Variants in SCLT1 observed in about 807,000 individuals in gnomAD.
SCLT1 encodes the protein sodium channel-associated protein 1.
In SCLT1, 78 loss-of-function variants were observed where a neutral mutation model predicts 112.8. The ratio of observed to expected loss-of-function variants is 0.69; its 90% confidence interval spans 0.58 to 0.83. The LOEUF is 0.83. Among genes scored for constraint, SCLT1 ranks in the 40% least tolerant of loss-of-function variants. The pLI is 0.00. For missense variants in SCLT1, 747 were observed against 770.4 expected, an observed-to-expected ratio of 0.97 and a Z score of 0.36; for synonymous variants, 257 against 254.7, an observed-to-expected ratio of 1.01 and a Z score of -0.09.
intron 5 of SCLT1, among the ~76,000 whole-genome samples, chr4:129,021,999 C>A (rs1745526687): frequency 1.3e-5 from 2 of 152,210 alleles, no homozygotes; most frequent in African/African-American, 4.8e-5. Flanking sequence ...ACTAGAGATA[C>A]CCAGGCGAAC....
chr4:129,065,268 T>C (rs1349415301), intron 2 of SCLT1, among the ~76,000 whole-genome samples: 2 of 152,100 alleles, frequency 1.3e-5, no homozygotes, highest in Non-Finnish European at 2.9e-5. Flanking sequence ...GTTTGCTTTC[T>C]TTTAATTAAT....
intron 5 of SCLT1, among the ~76,000 whole-genome samples, chr4:129,029,745 A>G (rs1746522252): frequency 1.3e-5 from 2 of 152,144 alleles, no homozygotes; most frequent in Admixed American, 6.5e-5. Context: ...TAAATGGATC[A>G]ATGCAACAGG....
intron 18 of SCLT1, among the ~76,000 whole-genome samples, chr4:128,895,993 G>T (rs1189018704): frequency 6.6e-6 from 1 of 152,212 alleles, no homozygotes; most frequent in Non-Finnish European, 1.5e-5. Flanking sequence ...CTGGGGGAGG[G>T]GCACCCGCCA....
intron 4 of SCLT1, among the ~76,000 whole-genome samples, chr4:128,875,537 T>TAA (rs1732493780): frequency 1.3e-5 from 2 of 152,358 alleles, no homozygotes; most frequent in Admixed American, 6.5e-5. Flanking sequence ...ATTTAAAGGC[T>TAA]AAACTATAGT....
At chr4:128,987,524 A>C (rs1228359487) in intron 9 of SCLT1, among the ~76,000 whole-genome samples, 1 of 152,240 alleles carries the variant, frequency 6.6e-6, no homozygotes. Flanking sequence ...AAAGTCATGT[A>C]GAAATTCTGG....
rs59004826 is a variant in SCLT1 at position 128,927,277 on chromosome 4, T to C, written c.1829+9378A>G. ...ATAACATGTAGATTAAAAAAGATAA[T>C]AAATATTAGAAAATAATTTGAGGCC... On this transcript the variant is annotated intron_variant, in intron 18 of 20. Transcript: ENST00000281142. Among the ~76,000 whole-genome samples the C allele has an allele frequency of 9.9e-3, 1,500 of 152,082 alleles. 28 individuals are homozygous for C. The highest frequency in any genetic ancestry group is 0.035 in the African/African-American group (1,444 of 41,470).
chr4:129,092,392 A>G (rs1246415695), intron 1 of SCLT1, among the ~76,000 whole-genome samples: 2 of 152,220 alleles, frequency 1.3e-5, no homozygotes, highest in African/African-American at 2.4e-5. Context: ...AGTTTTTCAT[A>G]TAGTAAATTC....
At chr4:128,876,292 A>G (rs949072128) in intron 4 of SCLT1, among the ~76,000 whole-genome samples, 1 of 152,138 alleles carries the variant, frequency 6.6e-6, no homozygotes, top group Non-Finnish European at 1.5e-5. Context: ...TTACTTCCAT[A>G]TTGCTTGCTC....
intron 5 of SCLT1, among the ~76,000 whole-genome samples, chr4:129,004,175 T>C (rs1000787804): frequency 6.6e-6 from 1 of 152,150 alleles, no homozygotes; most frequent in African/African-American, 2.4e-5. Flanking sequence ...AATTCAGATA[T>C]TATCTCTTAT....
chr4:129,017,232 G>A (rs997569737), intron 5 of SCLT1, among the ~76,000 whole-genome samples: 6 of 151,868 alleles, frequency 4.0e-5, no homozygotes, highest in African/African-American at 1.4e-4. Flanking sequence ...GGTAGGGAGG[G>A]TTTTCAGTGC....
At chr4:129,023,060 A>G (rs879895412) in intron 5 of SCLT1, among the ~76,000 whole-genome samples, 1 of 152,184 alleles carries the variant, frequency 6.6e-6, no homozygotes, top group Non-Finnish European at 1.5e-5. Context: ...TTCACAAATG[A>G]AGGGGAAATA....
intron 9 of SCLT1, among the ~76,000 whole-genome samples, chr4:128,979,150 C>A (rs1014926114): frequency 2.0e-5 from 3 of 152,134 alleles, no homozygotes; most frequent in African/African-American, 4.8e-5. Flanking sequence ...AAGGTAATTT[C>A]ATTTTCATTA....
intron 9 of SCLT1, chr4:128,971,473 G>A (rs1740684808): frequency 6.6e-6 from 1 of 152,034 alleles, no homozygotes; most frequent in South Asian, 2.1e-4. Context: ...AGGGACTGTT[G>A]TAAATGCTTT....
intron 5 of SCLT1, among the ~76,000 whole-genome samples, chr4:129,024,373 G>A (rs1745810014): frequency 6.6e-6 from 1 of 152,164 alleles, no homozygotes. Flanking sequence ...CGATCAGGCA[G>A]CAGCATTCGC....
chr4:128,916,971 G>A (rs771544645), intron 18 of SCLT1, among the ~76,000 whole-genome samples: 22 of 152,070 alleles, frequency 1.4e-4, no homozygotes, highest in East Asian at 1.2e-3. Context: ...TACATCTGCC[G>A]TAATCACTCT....
At chr4:128,985,745 C>T (rs182172849) in intron 9 of SCLT1, among the ~76,000 whole-genome samples, 9 of 152,100 alleles carry the variant, frequency 5.9e-5, no homozygotes, top group Admixed American at 2.6e-4. Flanking sequence ...TCATGACAGG[C>T]TAATTTTAAT....
intron 10 of SCLT1, among the ~76,000 whole-genome samples, chr4:128,966,110 G>A (rs539334450): frequency 6.7e-6 from 1 of 149,986 alleles, no homozygotes; most frequent in African/African-American, 2.5e-5. Context: ...GATTACAGGC[G>A]TGAGCCACCG....
chr4:128,893,687 C>T (rs542653640), intron 18 of SCLT1, among the ~76,000 whole-genome samples: 26 of 151,482 alleles, frequency 1.7e-4, no homozygotes, highest in African/African-American at 5.8e-4. Flanking sequence ...GGACTACAGG[C>T]GCCCGCCACC....
At chr4:128,956,228 G>A (rs946909806) in intron 13 of SCLT1, among the ~76,000 whole-genome samples, 1 of 151,986 alleles carries the variant, frequency 6.6e-6, no homozygotes, top group Non-Finnish European at 1.5e-5. Flanking sequence ...TTTATTTTAG[G>A]ATAAGAAAAT....
Sources: gnomAD v4.1 joint callset for allele counts (sites outside exome capture counted in the v4.1 genomes callset) on GRCh38, gnomAD v4.1.1 for gene constraint, MANE v1.5 for transcripts, NCBI Gene and HGNC (gene_info 2026-07-23, HGNC 2026-07-21) for gene names.